Variants in KIF3B observed in about 807,000 individuals in gnomAD.
KIF3B encodes kinesin family member 3B.
In KIF3B, 38 loss-of-function variants were observed where a neutral mutation model predicts 74.3. The observed-to-expected ratio is 0.51, with a 90% CI of 0.39 to 0.67. KIF3B has a LOEUF of 0.67. KIF3B is among the 30% of genes least tolerant of loss of function. The pLI is 0.00. For missense variants in KIF3B, 649 were observed against 932.0 expected (o/e 0.70, Z 3.95); for synonymous variants, 326 against 342.5 (o/e 0.95, Z 0.53).
At chr20:32,296,630 T>C (rs1236592030) in intron 1 of KIF3B, among the ~76,000 whole-genome samples, 1 of 152,096 alleles carries the variant, frequency 6.6e-6, no homozygotes, top group African/African-American at 2.4e-5. Flanking sequence ...ATGAAAAGTT[T>C]CTCTTCTACT....
chr20:32,319,485 A>G lies in KIF3B; in HGVS notation c.1748+2611A>G, dbSNP rs1238329412. Reference sequence around the variant, plus strand: ...AAATGGGGTTGTTTCATATATATATATATGTATATATTTCGTATATATATG... The same window carrying G: ...AAATGGGGTTGTTTCATATATATATGTATGTATATATTTCGTATATATATG... On this transcript the variant is annotated intron_variant, in intron 5 of 8. Coordinates refer to ENST00000375712, the MANE Select transcript of KIF3B (RefSeq NM_004798.4). 8.7e-5 allele frequency among the ~76,000 whole-genome samples: 13 copies of G among 148,668 alleles called. No individual in the cohort carries two copies. In the East Asian group the frequency reaches 2.0e-3, roughly 22 times the overall value.
At chr20:32,279,773 G>T (rs1448879838) in intron 1 of KIF3B, among the ~76,000 whole-genome samples, 1 of 152,174 alleles carries the variant, frequency 6.6e-6, no homozygotes, top group Non-Finnish European at 1.5e-5. Flanking sequence ...CTGAGAGCTG[G>T]AATCTTTAAA....
At position 32,334,596 on chromosome 20, in the gene KIF3B, G is replaced by A. The variant is rs13111; in HGVS notation, c.*3277G>A. The stretch of plus-strand genomic sequence containing the variant: ...GACCATCTGAACCCCATCAGTGGAC[G>A]AAAATGGGGCTGTTAATATACTCTA... On this transcript the variant is annotated 3_prime_UTR_variant, in exon 9 of 9. Coordinates refer to ENST00000375712, the MANE Select transcript of KIF3B (RefSeq NM_004798.4). 0.088 allele frequency: 13,498 copies of A among 152,600 alleles called. 764 individuals are homozygous for A. Among genetic ancestry groups the A allele is most frequent in the Non-Finnish European group, 0.13 (8,860 of 67,998 alleles). The allele number at this position is 152,600 out of a possible 1,614,324, so 9.5% of individuals were successfully genotyped here.
At chr20:32,305,956 G>A (rs1600426653) in intron 1 of KIF3B, among the ~76,000 whole-genome samples, 1 of 151,392 alleles carries the variant, frequency 6.6e-6, no homozygotes, top group East Asian at 2.0e-4. Context: ...CATGGTGGCA[G>A]GTGCCTGTAA....
intron 1 of KIF3B, among the ~76,000 whole-genome samples, chr20:32,283,060 G>T (rs1236682048): frequency 6.6e-6 from 1 of 152,080 alleles, no homozygotes; most frequent in Non-Finnish European, 1.5e-5. Flanking sequence ...TTTGGAGACA[G>T]GGACTCCCTC....
At chr20:32,330,414 A>G in intron 8 of KIF3B, 95 bp downstream of exon 8, 1 of 1,109,064 alleles carries the variant, frequency 9.0e-7, no homozygotes, top group South Asian at 1.5e-5. Flanking sequence ...TACTTTGCAG[A>G]ACACACTAGA....
chr20:32,282,922 T>C (rs2047650768), intron 1 of KIF3B, among the ~76,000 whole-genome samples: 1 of 152,262 alleles, frequency 6.6e-6, no homozygotes, highest in East Asian at 1.9e-4. Flanking sequence ...TTCATTGTTA[T>C]GTATTCCAGT....
rs377401733 is a variant in KIF3B, at chr20:32,310,387, G to A, written c.610G>A (p.Gly204Ser). ...MNVGNQNRSV[G>S]ATNMNEHSSR... ...TGTGGGGAACCAGAACCGTTCTGTC[G>A]GTGCTACCAACATGAACGAGCACAG... The change falls in exon 2 of 9, where the codon GGT (glycine) becomes AGT (serine). Residue 204 changes from glycine to serine, a missense_variant. By Grantham distance (56) the Gly-to-Ser change is moderately conservative. Transcript: ENST00000375712. The surrounding 1 kb of genome is among the most constrained non-coding windows in gnomAD (Gnocchi z 6.5). 1.4e-5 allele frequency: 23 copies of A among 1,614,032 alleles called. No individual in the cohort carries two copies. The African/African-American group carries it at 1.5e-4, about 10-fold the overall frequency.
At chr20:32,278,676 G>T (rs2047627648) in intron 1 of KIF3B, among the ~76,000 whole-genome samples, 1 of 152,108 alleles carries the variant, frequency 6.6e-6, no homozygotes, top group East Asian at 1.9e-4. Flanking sequence ...TGGGGTCATG[G>T]TCTCATTTTC....
chr20:32,299,379 G>GTGTATATATATATATATATATATATA (rs1187264463), intron 1 of KIF3B, among the ~76,000 whole-genome samples: 11 of 23,088 alleles, frequency 4.8e-4, no homozygotes, highest in Non-Finnish European at 6.9e-4. Context: ...TGGTGTGTGT[G>GTGTATATATATATATATATATATATA]TATATATATA....
At chr20:32,316,055 C>T (rs917978154) in intron 2 of KIF3B, among the ~76,000 whole-genome samples, 163 bp from the exon 3 acceptor site, 1 of 152,214 alleles carries the variant, frequency 6.6e-6, no homozygotes, top group African/African-American at 2.4e-5. Context: ...CCCAGTCCCT[C>T]ACCAGTGATG....
intron 4 of KIF3B, 51 bp downstream of exon 4, chr20:32,316,700 G>A (rs745419678): frequency 5.6e-6 from 9 of 1,614,002 alleles, no homozygotes; most frequent in Non-Finnish European, 7.6e-6. Context: ...TGGGGAAAGG[G>A]AGAACTCTAC....
intron 5 of KIF3B, among the ~76,000 whole-genome samples, chr20:32,323,038 TTATATTTATA>T (rs2047879918): frequency 1.7e-4 from 4 of 22,904 alleles, no homozygotes; most frequent in Non-Finnish European, 2.8e-4. Context: ...ATTTATATAT[TTATATTTATA>T]TATATTTATA....
intron 7 of KIF3B, among the ~76,000 whole-genome samples, chr20:32,329,350 CTTTT>C (rs35042287): frequency 2.1e-5 from 3 of 140,624 alleles, no homozygotes; most frequent in Non-Finnish European, 3.1e-5. Context: ...CCTTTTTTTT[CTTTT>C]TTTTTTTTTT....
chr20:32,304,978 T>TA lies in KIF3B; in HGVS notation c.-65-4723dup, dbSNP rs1330269891. Reference sequence around the variant, plus strand: ...CAACATGGCAAAACCCTGTCTCTACTAAAAAAAAAAAATACAGAAATTAGC... The same window carrying TA: ...CAACATGGCAAAACCCTGTCTCTACTAAAAAAAAAAAAATACAGAAATTAGC... On this transcript the variant is annotated intron_variant, in intron 1 of 8. Coordinates refer to ENST00000375712, the MANE Select transcript of KIF3B (RefSeq NM_004798.4). 2.1e-3 allele frequency among the ~76,000 whole-genome samples: 294 copies of TA among 142,916 alleles called. 1 individual carries two copies. The highest frequency in any genetic ancestry group is 0.011 in the South Asian group (49 of 4,506). The allele number at this position is 142,916 out of a possible 152,430, so 93.8% of individuals were successfully genotyped here.
At chr20:32,302,595 T>C (rs2047749544) in intron 1 of KIF3B, among the ~76,000 whole-genome samples, 1 of 152,184 alleles carries the variant, frequency 6.6e-6, no homozygotes, top group Non-Finnish European at 1.5e-5. Context: ...AAGTCTGTAA[T>C]GCAGAAGAAT....
chr20:32,309,645 G>A lies in KIF3B; in HGVS notation c.-65-68G>A, dbSNP rs926009077. On this transcript the variant is annotated intron_variant, in intron 1 of 8. Coordinates refer to ENST00000375712, the MANE Select transcript of KIF3B (RefSeq NM_004798.4). ...AGCAAGATGAAGACTATTTAGGTGTGTCAGCTTCTGTCAGGCAGGCTGCAA... is the reference window on the plus strand; with the variant it reads ...AGCAAGATGAAGACTATTTAGGTGTATCAGCTTCTGTCAGGCAGGCTGCAA... The A allele has an allele frequency of 7.3e-6, 7 of 955,762 alleles. No individual in the cohort carries two copies. The African/African-American group carries it at 1.0e-4, about 14-fold the overall frequency. 59.2% of individuals were successfully genotyped at this position (955,762 alleles called of 1,614,324 possible). A position where few individuals can be genotyped will look rare whatever the true frequency, so the allele number is the denominator to read the frequency against.
chr20:32,300,874 T>G (rs1254560468), intron 1 of KIF3B, among the ~76,000 whole-genome samples: 3 of 151,824 alleles, frequency 2.0e-5, no homozygotes, highest in Non-Finnish European at 4.4e-5. Context: ...TTGTTGTTTA[T>G]TTTTACTTTT....
At chr20:32,309,264 C>A (rs1454234920) in intron 1 of KIF3B, among the ~76,000 whole-genome samples, 1 of 149,504 alleles carries the variant, frequency 6.7e-6, no homozygotes, top group Non-Finnish European at 1.5e-5. Context: ...AACACCTGTA[C>A]TCAAGTGATC....
Sources: gnomAD v4.1 joint callset for allele counts (sites outside exome capture counted in the v4.1 genomes callset) on GRCh38, gnomAD v4.1.1 for gene constraint, Gnocchi (gnomAD v3.1) non-coding constraint, MANE v1.5 for transcripts, NCBI Gene and HGNC (gene_info 2026-07-23, HGNC 2026-07-21) for gene names.